Variants in PAN3 observed in about 807,000 individuals in gnomAD.
The protein encoded by PAN3 is poly(A) specific ribonuclease subunit PAN3.
A neutral mutation model predicts 96.2 loss-of-function variants in PAN3; 19 were observed. The observed-to-expected ratio is 0.20, with a 90% CI of 0.14 to 0.29. The LOEUF (loss-of-function observed/expected upper bound fraction) is 0.29. Ranked by LOEUF, PAN3 falls within the 10% of genes least tolerant of loss-of-function variation. The probability of loss-of-function intolerance (pLI) is 1.00; values close to 1 mark genes in which losing one functional copy is unlikely to be tolerated. For synonymous variants in PAN3, 433 were observed against 406.6 expected, an observed-to-expected ratio of 1.06 and a Z score of -0.78; for missense variants, 882 against 1,108.1, an observed-to-expected ratio of 0.80 and a Z score of 2.90.
chr13:28,174,131 G>GATCT, intron 1 of PAN3, 141 bp from the exon 2 acceptor site: 3 of 827,860 alleles, frequency 3.6e-6, no homozygotes, highest in Non-Finnish European at 5.4e-6. Flanking sequence ...AATTTTATTT[G>GATCT]ATCTTACCTG....
At chr13:28,236,431 C>T (rs1593532818) in intron 6 of PAN3, among the ~76,000 whole-genome samples, 1 of 152,046 alleles carries the variant, frequency 6.6e-6, no homozygotes, top group Non-Finnish European at 1.5e-5. Flanking sequence ...CTAACATATA[C>T]CCCTTTACAT....
intron 12 of PAN3, among the ~76,000 whole-genome samples, 180 bp from the exon 13 acceptor site, chr13:28,270,521 G>C (rs1053103234): frequency 6.6e-6 from 1 of 152,140 alleles, no homozygotes; most frequent in Non-Finnish European, 1.5e-5. Context: ...CATAATCTCG[G>C]ACAGGAATCT....
intron 4 of PAN3, among the ~76,000 whole-genome samples, chr13:28,193,736 TAAAAAA>T (rs35597675): frequency 1.8e-5 from 2 of 108,186 alleles, no homozygotes; most frequent in Admixed American, 1.0e-4. Flanking sequence ...GACCCTGACT[TAAAAAA>T]AAAAAAAAAA....
At chr13:28,147,208 C>T (rs996072851) in intron 1 of PAN3, among the ~76,000 whole-genome samples, 6 of 152,104 alleles carry the variant, frequency 3.9e-5, no homozygotes, top group African/African-American at 7.2e-5. Flanking sequence ...GCTAGTCATT[C>T]GGTCTGTGTG....
intron 14 of PAN3, among the ~76,000 whole-genome samples, chr13:28,275,555 C>T (rs1050485553): frequency 1.3e-5 from 2 of 152,160 alleles, no homozygotes; most frequent in Non-Finnish European, 2.9e-5. Flanking sequence ...TGGATTGAAT[C>T]GCCCATAGAA....
intron 1 of PAN3, among the ~76,000 whole-genome samples, chr13:28,162,184 A>T (rs1872959467): frequency 1.3e-5 from 2 of 152,234 alleles, no homozygotes; most frequent in Non-Finnish European, 2.9e-5. Flanking sequence ...AGACTTAAGT[A>T]TACTGTTGAA....
At chr13:28,234,951 C>T (rs555156158) in intron 6 of PAN3, among the ~76,000 whole-genome samples, 16 of 152,230 alleles carry the variant, frequency 1.1e-4, no homozygotes, top group Non-Finnish European at 2.2e-4. Context: ...CCTTGCATTT[C>T]TTTTTTGTAT....
At position 28,138,756 on chromosome 13, in the gene PAN3, CG is replaced by C. The variant is rs1377568126; in HGVS notation, c.104del (p.Gly35ValfsTer8). On this transcript the variant is annotated frameshift_variant, in exon 1 of 19. Transcript: ENST00000380958. LOFTEE classifies it high-confidence loss of function. ...AVAVVAPPGV[G>X]GVPGGAAVGV... is the part of the protein sequence containing the mutation. Reference sequence around the variant, plus strand: ...TGGCGGTGGTGGCCCCGCCGGGGGTCGGGGGTGTCCCCGGCGGGGCGGCGGT... The same window carrying C: ...TGGCGGTGGTGGCCCCGCCGGGGGTCGGGGTGTCCCCGGCGGGGCGGCGGT... 6.8e-6 allele frequency: 9 copies of C among 1,322,040 alleles called. No homozygotes were observed. The highest frequency in any genetic ancestry group is 3.9e-5 in the Admixed American group (1 of 25,490). The allele number at this position is 1,322,040 out of a possible 1,614,324, so 81.9% of individuals were successfully genotyped here. A position where few individuals can be genotyped will look rare whatever the true frequency, so the allele number is the denominator to read the frequency against.
Position 28,267,535 on chromosome 13 carries a change from A to G in PAN3, c.1792+134A>G, listed in dbSNP as rs1195765930. 5 of 728,912 alleles carry G rather than the reference A, an allele frequency of 6.9e-6. No individual in the cohort carries two copies. In the African/African-American group the frequency reaches 7.2e-5, roughly 10 times the overall value. The allele number at this position is 728,912 out of a possible 1,614,324, so 45.2% of individuals were successfully genotyped here. ...TAAAGACTCTATTACATTTTGTACT[A>G]GTTGTTTTCATGTTCCTGATAAAGA... is the stretch of plus-strand genomic sequence containing the variant. On this transcript the variant is annotated intron_variant, in intron 12 of 18. Transcript: ENST00000380958.
intron 14 of PAN3, 79 bp downstream of exon 14, chr13:28,272,150 G>GT (rs1886666798): frequency 9.9e-7 from 1 of 1,014,520 alleles, no homozygotes; most frequent in African/African-American, 1.7e-5. Flanking sequence ...GTATTTCAGT[G>GT]TTTTAAGCCT....
Position 28,138,728 on chromosome 13 carries a change from C to CGGT in PAN3, c.74_76dup (p.Val25dup). On this transcript the variant is annotated inframe_insertion, in exon 1 of 19. Coordinates refer to ENST00000380958, the MANE Select transcript of PAN3 (RefSeq NM_175854.8). ...CCTTCCTCCTCCTCGCTGGCGGCGG[C>CGGT]GGTGGCGGTGGTGGCCCCGCCGGGG... The CGGT allele has an allele frequency of 7.9e-7, 1 of 1,259,444 alleles. No homozygotes were observed. Among genetic ancestry groups the CGGT allele is most frequent in the Non-Finnish European group, 1.0e-6 (1 of 987,346 alleles). The allele number at this position is 1,259,444 out of a possible 1,614,324, so 78.0% of individuals were successfully genotyped here. A position where few individuals can be genotyped will look rare whatever the true frequency, so the allele number is the denominator to read the frequency against.
At chr13:28,282,810 A>G (rs1868452764) in intron 17 of PAN3, among the ~76,000 whole-genome samples, 1 of 151,756 alleles carries the variant, frequency 6.6e-6, no homozygotes, top group Non-Finnish European at 1.5e-5. Context: ...ACTTCCCTTC[A>G]GTATTATCTG....
intron 14 of PAN3, among the ~76,000 whole-genome samples, chr13:28,276,806 T>A (rs1269486305): frequency 6.6e-6 from 1 of 152,228 alleles, no homozygotes; most frequent in Admixed American, 6.5e-5. Context: ...AAAGTATGTA[T>A]GTTAAGTTAT....
chr13:28,158,048 C>T (rs1872442439), intron 1 of PAN3, among the ~76,000 whole-genome samples: 1 of 152,168 alleles, frequency 6.6e-6, no homozygotes. Flanking sequence ...AAGCCTCACA[C>T]CTACAACCAT....
chr13:28,155,982 C>G (rs1287210402), intron 1 of PAN3, among the ~76,000 whole-genome samples: 1 of 152,030 alleles, frequency 6.6e-6, no homozygotes, highest in Non-Finnish European at 1.5e-5. Flanking sequence ...GAAGGCCCTT[C>G]TAGGATATGC....
At chr13:28,250,886 A>C (rs1476365331) in intron 6 of PAN3, among the ~76,000 whole-genome samples, 1 of 151,968 alleles carries the variant, frequency 6.6e-6, no homozygotes, top group Non-Finnish European at 1.5e-5. Context: ...TTTTTTTTCG[A>C]ATGTTGCTTC....
intron 6 of PAN3, among the ~76,000 whole-genome samples, chr13:28,221,538 AAC>A (rs1249704162): frequency 3.9e-5 from 6 of 152,142 alleles, no homozygotes; most frequent in Non-Finnish European, 8.8e-5. Context: ...AGATAAAGAT[AAC>A]ACAGTGGCGC....
chr13:28,139,180 G>C (rs1869238588), intron 1 of PAN3, 93 bp downstream of exon 1: 2 of 1,213,616 alleles, frequency 1.6e-6, no homozygotes, highest in African/African-American at 1.6e-5. Context: ...AGCACGGCCC[G>C]CGGGCTCCCC....
At chr13:28,175,674 C>G (rs897988268) in intron 2 of PAN3, among the ~76,000 whole-genome samples, 5 of 152,096 alleles carry the variant, frequency 3.3e-5, no homozygotes. Flanking sequence ...TATAAAGAAA[C>G]ATGCACAGCC....
Sources: allele counts gnomAD v4.1 joint callset (sites outside exome capture counted in the v4.1 genomes callset), GRCh38; gene constraint gnomAD v4.1.1; transcripts MANE v1.5; gene names NCBI Gene and HGNC (gene_info 2026-07-23, HGNC 2026-07-21).